TGFBR2: variants seen among roughly 807,000 people sequenced by gnomAD.
TGFBR2 encodes transforming growth factor beta receptor 2, also known as TGF-beta receptor type-2.
In TGFBR2, 18 loss-of-function variants were observed where a neutral mutation model predicts 49.0. The ratio of observed to expected loss-of-function variants is 0.37; its 90% CI spans 0.25 to 0.54. TGFBR2 has a LOEUF of 0.54. Among genes scored for constraint, TGFBR2 ranks in the 20% least tolerant of loss-of-function variants. The pLI is 0.85. For missense variants in TGFBR2, 525 were observed against 722.6 expected, an observed-to-expected ratio of 0.73 and a Z score of 3.13; for synonymous variants, 282 against 275.9, an observed-to-expected ratio of 1.02 and a Z score of -0.22.
At chr3:30,653,766 A>C (rs1432935680) in intron 3 of TGFBR2, among the ~76,000 whole-genome samples, 1 of 152,194 alleles carries the variant, frequency 6.6e-6, no homozygotes, top group Non-Finnish European at 1.5e-5. Flanking sequence ...TTAAGTATGG[A>C]TCTTTATTTC....
intron 3 of TGFBR2, among the ~76,000 whole-genome samples, chr3:30,656,251 A>G (rs960903975): frequency 1.3e-5 from 2 of 152,144 alleles, no homozygotes; most frequent in South Asian, 2.1e-4. Context: ...ACAATAGTTT[A>G]TTTTTTAAAT....
rs561396940 is a variant in TGFBR2 at position 30,672,797 on chromosome 3, A to C, written c.1254+360A>C. ...GGTTGTACTCAGTCCTTTCTGCTCT[A>C]TACTAGCTGTAGTTGTGTTGGTTTC... On this transcript the variant is annotated intron_variant, in intron 4 of 6. Coordinates refer to ENST00000295754, the MANE Select transcript of TGFBR2 (RefSeq NM_003242.6). The surrounding 1 kb of genome is among the most constrained non-coding windows in gnomAD (Gnocchi z 4.5). Among the ~76,000 whole-genome samples, 1 of 152,088 alleles carries C rather than the reference A, an allele frequency of 6.6e-6. No individual in the cohort carries two copies. The highest frequency in any genetic ancestry group is 1.5e-5 in the Non-Finnish European group (1 of 68,038).
At chr3:30,620,046 G>A (rs17025748) in intron 1 of TGFBR2, among the ~76,000 whole-genome samples, 2,091 of 152,272 alleles carry the variant, frequency 0.014, 45 homozygotes, top group South Asian at 0.049. Context: ...AATTAGCTGG[G>A]CGTGGTGGCG....
At chr3:30,641,806 G>A (rs775065672) in intron 1 of TGFBR2, among the ~76,000 whole-genome samples, 9 of 151,918 alleles carry the variant, frequency 5.9e-5, no homozygotes, top group Non-Finnish European at 7.4e-5. Context: ...ATTATATCTC[G>A]CCAGGGGCCC....
At chr3:30,614,966 A>G (rs1419961125) in intron 1 of TGFBR2, among the ~76,000 whole-genome samples, 1 of 152,200 alleles carries the variant, frequency 6.6e-6, no homozygotes, top group Non-Finnish European at 1.5e-5. Context: ...AGCATTCTTC[A>G]TATATTATCC....
intron 1 of TGFBR2, among the ~76,000 whole-genome samples, chr3:30,619,952 C>A (rs1329366872): frequency 4.0e-5 from 5 of 126,240 alleles, no homozygotes; most frequent in African/African-American, 1.3e-4. Flanking sequence ...CTTTGGGAGG[C>A]CGAGGCGGGC....
At chr3:30,679,637 A>T (rs544018236) in intron 5 of TGFBR2, among the ~76,000 whole-genome samples, 2 of 152,332 alleles carry the variant, frequency 1.3e-5, no homozygotes, top group East Asian at 3.9e-4. Context: ...TCCACACATC[A>T]ACTCATTTAA....
chr3:30,662,994 T>C (rs1699164445), intron 3 of TGFBR2, among the ~76,000 whole-genome samples: 2 of 152,240 alleles, frequency 1.3e-5, no homozygotes, highest in Admixed American at 1.3e-4. Context: ...GCTAAGACTC[T>C]GCATTTCCAG....
At chr3:30,649,826 A>T (rs1190047053) in intron 2 of TGFBR2, among the ~76,000 whole-genome samples, 3 of 152,182 alleles carry the variant, frequency 2.0e-5, no homozygotes, top group Non-Finnish European at 4.4e-5. Flanking sequence ...CAGTATAGCT[A>T]GACAGGACAG....
intron 2 of TGFBR2, 68 bp from the exon 3 acceptor site, chr3:30,650,202 A>C: frequency 2.0e-6 from 3 of 1,497,830 alleles, no homozygotes; most frequent in Non-Finnish European, 1.9e-6. Flanking sequence ...TCTGGAGGCC[A>C]TATTATTCAT....
chr3:30,648,475 C>A (rs1335750711), intron 2 of TGFBR2, among the ~76,000 whole-genome samples: 1 of 141,742 alleles, frequency 7.1e-6, no homozygotes, highest in South Asian at 2.2e-4. Context: ...ACTGTGGGGG[C>A]AGGGAGGAAG....
At position 30,644,752 on chromosome 3, in the gene TGFBR2, A is replaced by T; in HGVS notation, c.100A>T (p.Asn34Tyr). Reference sequence around the variant, plus strand: ...ATATCTTTCTCTCTCCTCAGTTAATAACGACATGATAGTCACTGACAACAA... The same window carrying T: ...ATATCTTTCTCTCTCCTCAGTTAATTACGACATGATAGTCACTGACAACAA... Reference protein sequence around the residue: ...IPPHVQKSVNNDMIVTDNNGA... With the variant: ...IPPHVQKSVNYDMIVTDNNGA... Residue 34 changes from asparagine to tyrosine, a missense_variant, in exon 2 of 7, where the codon AAC becomes TAC. Asn to Tyr is a moderately radical substitution (Grantham distance 143). Transcript: ENST00000295754. 6.2e-7 allele frequency: 1 copy of T among 1,614,062 alleles called. No individual in the cohort carries two copies. The highest frequency in any genetic ancestry group is 8.5e-7 in the Non-Finnish European group (1 of 1,179,934).
chr3:30,606,537 TGCCCA>T, upstream of TGFBR2: 1 of 274,856 alleles, frequency 3.6e-6, no homozygotes, highest in Non-Finnish European at 6.9e-6. Context: ...AGAGAGGTCC[TGCCCA>T]GCTGTTGGCG....
intron 3 of TGFBR2, among the ~76,000 whole-genome samples, chr3:30,655,627 A>G (rs948198014): frequency 1.4e-4 from 21 of 151,754 alleles, no homozygotes; most frequent in Admixed American, 1.4e-3. Context: ...TGCCAAAGGG[A>G]TTCATTCCCT....
chr3:30,637,341 T>G (rs1270960764), intron 1 of TGFBR2, among the ~76,000 whole-genome samples: 2 of 152,104 alleles, frequency 1.3e-5, no homozygotes, highest in Non-Finnish European at 2.9e-5. Flanking sequence ...GGAAATGACC[T>G]CCTGAAGAGA....
Position 30,623,421 on chromosome 3 carries a change from G to A in TGFBR2, c.94+16444G>A, listed in dbSNP as rs2125454220. The A allele has an allele frequency of 1.3e-5, 13 of 1,006,300 alleles. No individual in the cohort carries two copies. In the South Asian group the frequency reaches 1.5e-4, roughly 12 times the overall value. The allele number at this position is 1,006,300 out of a possible 1,614,324, so 62.3% of individuals were successfully genotyped here. ...TAGCTAAATTGTTAAAGAGGCGATG[G>A]CAGTGTACTCATCAGGAGACTTGTT... On this transcript the variant is annotated intron_variant, in intron 1 of 6. Coordinates refer to ENST00000295754, the MANE Select transcript of TGFBR2 (RefSeq NM_003242.6).
intron 2 of TGFBR2, among the ~76,000 whole-genome samples, chr3:30,649,384 ATGT>A (rs1575146068): frequency 6.6e-6 from 1 of 152,156 alleles, no homozygotes; most frequent in South Asian, 2.1e-4. Context: ...GGCATTAATC[ATGT>A]TGTTTAAAAA....
intron 3 of TGFBR2, among the ~76,000 whole-genome samples, chr3:30,652,984 T>C (rs1698922621): frequency 6.6e-6 from 1 of 152,194 alleles, no homozygotes; most frequent in Non-Finnish European, 1.5e-5. Flanking sequence ...TTCTCAGACT[T>C]TCTTATGAAG....
chr3:30,691,589 C>T lies in TGFBR2; in HGVS notation c.1694C>T (p.Thr565Ile), dbSNP rs2125455836. 2 of 1,614,086 alleles carry T rather than the reference C, an allele frequency of 1.2e-6. No homozygotes were observed. The highest frequency in any genetic ancestry group is 1.7e-6 in the Non-Finnish European group (2 of 1,179,982). The change falls in exon 7 of 7, where the codon ACT becomes ATT. Residue 565 changes from threonine (T) to isoleucine (I), a missense_variant. Around this residue, in one of 3 missense-constraint regions of TGFBR2, gnomAD observed 104 missense variants for 133.4 expected, o/e 0.78. Coordinates refer to ENST00000295754, the MANE Select transcript of TGFBR2 (RefSeq NM_003242.6). ...ATTCCTGAAGACGGCTCCCTAAACA[C>T]TACCAAATAGCTCTTCTGGGGCAGG... ...EKIPEDGSLN[T>I]TK
Sources: gnomAD v4.1 joint callset for allele counts (sites outside exome capture counted in the v4.1 genomes callset) on GRCh38, gnomAD v4.1.1 for gene constraint, gnomAD v4.1.1 regional missense constraint, Gnocchi (gnomAD v3.1) non-coding constraint, MANE v1.5 for transcripts, NCBI Gene and HGNC (gene_info 2026-07-23, HGNC 2026-07-21) for gene names.